Variants in MRPS23 observed in about 807,000 individuals in gnomAD.
MRPS23 encodes small ribosomal subunit protein mS23.
In MRPS23, 14 loss-of-function variants were observed where a neutral mutation model predicts 19.8. The ratio of observed to expected loss-of-function variants is 0.71; its 90% CI spans 0.47 to 1.11. MRPS23 has a LOEUF of 1.11. Among genes scored for constraint, MRPS23 ranks in the 50% least tolerant of loss-of-function variants. MRPS23 has a pLI of 0.00. For missense variants in MRPS23, 242 were observed against 236.7 expected (o/e 1.02, Z -0.15); for synonymous variants, 113 against 89.7 (o/e 1.26, Z -1.47).
intron 4 of MRPS23, chr17:57,840,664 A>G (rs1264676268): frequency 3.2e-6 from 1 of 314,658 alleles, no homozygotes; most frequent in African/African-American, 2.1e-5. Context: ...ATAAATAAAT[A>G]AAATAAAAAA....
rs1038636330 is a variant in MRPS23, at chr17:57,838,363, G to T, written c.*1420C>A. 7.0e-6 allele frequency: 1 copy of T among 141,898 alleles called. No homozygotes were observed. The highest frequency in any genetic ancestry group is 2.2e-4 in the South Asian group (1 of 4,448). 8.8% of individuals were successfully genotyped at this position (141,898 alleles called of 1,614,324 possible). On this transcript the variant is annotated 3_prime_UTR_variant, in exon 5 of 5. Coordinates refer to ENST00000313608, the MANE Select transcript of MRPS23 (RefSeq NM_016070.4). ...AAAACAAACAAAAATAGCAAAAATG[G>T]GACATCAATCCAGACATGAAGGAAA...
At chr17:57,842,058 G>A (rs148573186) in intron 2 of MRPS23, among the ~76,000 whole-genome samples, 18 of 151,702 alleles carry the variant, frequency 1.2e-4, no homozygotes, top group African/African-American at 3.9e-4. Flanking sequence ...TGTCACCAAC[G>A]CAGGTAGCAG....
chr17:57,839,401 T>C lies in MRPS23; in HGVS notation c.*382A>G, dbSNP rs886438708. 2.5e-5 allele frequency: 4 copies of C among 160,704 alleles called. No individual in the cohort carries two copies. Among genetic ancestry groups the C allele is most frequent in the Non-Finnish European group, 2.7e-5 (2 of 73,074 alleles). The allele number at this position is 160,704 out of a possible 1,614,324, so 10.0% of individuals were successfully genotyped here. On this transcript the variant is annotated 3_prime_UTR_variant, in exon 5 of 5. Coordinates refer to ENST00000313608, the MANE Select transcript of MRPS23 (RefSeq NM_016070.4). ...AACATGTGTACACGTATAAGTCTGA[T>C]GGATCAGAAGAAATATGTACCCGGG...
In MRPS23 at chr17:57,838,701, TATTC is replaced by T. The variant is rs2073722121; in HGVS notation, c.*1078_*1081del. On this transcript the variant is annotated 3_prime_UTR_variant, in exon 5 of 5. Transcript: ENST00000313608. ...GGCTGAGAGCTGCTTTTGCCTAATG[TATTC>T]ATTCACCTGCATGAACCAAGCACCC... is the stretch of plus-strand genomic sequence containing the variant. 1 of 152,270 alleles carries T rather than the reference TATTC, an allele frequency of 6.6e-6. No individual in the cohort carries two copies. The highest frequency in any genetic ancestry group is 2.1e-4 in the South Asian group (1 of 4,832). The allele number at this position is 152,270 out of a possible 1,614,324, so 9.4% of individuals were successfully genotyped here. A position where few individuals can be genotyped will look rare whatever the true frequency, so the allele number is the denominator to read the frequency against.
intron 2 of MRPS23, among the ~76,000 whole-genome samples, chr17:57,846,238 T>TCCG (rs1159857922): frequency 1.4e-5 from 2 of 140,796 alleles, no homozygotes; most frequent in African/African-American, 6.1e-5. Context: ...AGCCGCCCCG[T>TCCG]CCGGGAGGGA....
Position 57,836,410 on chromosome 17 carries a change from C to T in MRPS23, c.*3373G>A, listed in dbSNP as rs190586801. On this transcript the variant is annotated 3_prime_UTR_variant, in exon 5 of 5. Coordinates refer to ENST00000313608, the MANE Select transcript of MRPS23 (RefSeq NM_016070.4). The stretch of plus-strand genomic sequence containing the variant: ...AAGGGACTTGATATTATGTATTTTC[C>T]GAGCACAGACAGCATTTGAAAACGG... The T allele has an allele frequency of 1.3e-5, 2 of 152,230 alleles. No homozygotes were observed. Among genetic ancestry groups the T allele is most frequent in the East Asian group, 1.9e-4 (1 of 5,182 alleles). 9.4% of individuals were successfully genotyped at this position (152,230 alleles called of 1,614,324 possible).
intron 2 of MRPS23, among the ~76,000 whole-genome samples, chr17:57,842,053 C>T (rs7215893): frequency 0.074 from 11,191 of 151,930 alleles, 506 homozygotes; most frequent in African/African-American, 0.14. Context: ...CACTGTGTCA[C>T]CAACGCAGGT....
In MRPS23 at chr17:57,834,797, C is replaced by G. The variant is rs1320554397; in HGVS notation, c.*4986G>C. The G allele has an allele frequency of 1.3e-5, 2 of 152,180 alleles. No homozygotes were observed. Among genetic ancestry groups the G allele is most frequent in the Non-Finnish European group, 2.9e-5 (2 of 68,038 alleles). The allele number at this position is 152,180 out of a possible 1,614,324, so 9.4% of individuals were successfully genotyped here. A position where few individuals can be genotyped will look rare whatever the true frequency, so the allele number is the denominator to read the frequency against. ...TGCTGAAGGTTTTTAAGTGGCACGC[C>G]ATCATTTATTTACAGAGAAAGGTAT... On this transcript the variant is annotated 3_prime_UTR_variant, in exon 5 of 5. Coordinates refer to ENST00000313608, the MANE Select transcript of MRPS23 (RefSeq NM_016070.4).
At position 57,849,241 on chromosome 17, in the gene MRPS23, C is replaced by T. The variant is rs761497156; in HGVS notation, c.214G>A (p.Ala72Thr). 3 of 1,614,172 alleles carry T rather than the reference C, an allele frequency of 1.9e-6. No individual in the cohort carries two copies. The highest frequency in any genetic ancestry group is 2.5e-6 in the Non-Finnish European group (3 of 1,180,000). ...DIWYHEDRIR[A>T]KFYSVYGSGQ... is the part of the protein sequence containing the mutation. ...TCCACTACAGGGCTGAGCACTCACG[C>T]TCTAATCCGATCCTCGTGGTACCAG... Residue 72 changes from alanine to threonine, a missense_variant and splice_region_variant, in exon 2 of 5, where the codon GCG (alanine) becomes ACG (threonine). Coordinates refer to ENST00000313608, the MANE Select transcript of MRPS23 (RefSeq NM_016070.4).
At position 57,850,005 on chromosome 17, in the gene MRPS23, T is replaced by G. The variant is rs775066859; in HGVS notation, c.6A>C (p.Ala2=). The change falls in exon 1 of 5, where the codon GCA becomes GCC. Residue 2 remains alanine, a synonymous_variant. Coordinates refer to ENST00000313608, the MANE Select transcript of MRPS23 (RefSeq NM_016070.4). M[A]GSRLETVGSI... ...TCCCTACGGTTTCCAGCCGGCTGCC[T>G]GCCATGATCTGCGCCTGGTACCGAG... is the stretch of plus-strand genomic sequence containing the variant. 1.3e-5 allele frequency: 20 copies of G among 1,592,338 alleles called. No homozygotes were observed. Among genetic ancestry groups the G allele is most frequent in the Middle Eastern group, 1.6e-4 (1 of 6,068 alleles).
intron 1 of MRPS23, 40 bp from the exon 2 acceptor site, chr17:57,849,450 A>G (rs895850305): frequency 6.2e-7 from 1 of 1,601,678 alleles, no homozygotes; most frequent in Non-Finnish European, 8.5e-7. Context: ...CACTTGCAGT[A>G]GCCTGCCAAA....
Position 57,842,889 on chromosome 17 carries a change from TATACACACACACACACACAC to T in MRPS23, c.216-1649_216-1630del, listed in dbSNP as rs1332451505. Among the ~76,000 whole-genome samples, 43 of 98,436 alleles carry T rather than the reference TATACACACACACACACACAC, an allele frequency of 4.4e-4. 1 individual carries two copies. In the South Asian group the frequency reaches 7.5e-3, roughly 17 times the overall value. 64.6% of individuals were successfully genotyped at this position (98,436 alleles called of 152,430 possible). ...TAAAAAAAAAAAAAAAATATATATA[TATACACACACACACACACAC>T]ACACACACACACACACACACACACA... On this transcript the variant is annotated intron_variant, in intron 2 of 4. Coordinates refer to ENST00000313608, the MANE Select transcript of MRPS23 (RefSeq NM_016070.4).
In MRPS23 at chr17:57,849,950, C is replaced by T; in HGVS notation, c.44+17G>A. Reference sequence around the variant, plus strand: ...TGGGGGAGGCACCCTCAGCCCACCACGGCTGGGAGCACACACCGAGAGAAG... The same window carrying T: ...TGGGGGAGGCACCCTCAGCCCACCATGGCTGGGAGCACACACCGAGAGAAG... On this transcript the variant is annotated intron_variant, in intron 1 of 4. Transcript: ENST00000313608. 1.3e-6 allele frequency: 2 copies of T among 1,583,212 alleles called. No homozygotes were observed. Among genetic ancestry groups the T allele is most frequent in the Non-Finnish European group, 1.7e-6 (2 of 1,172,154 alleles).
chr17:57,840,933 G>C lies in MRPS23; in HGVS notation c.413C>G (p.Ala138Gly). 3 of 1,614,112 alleles carry C rather than the reference G, an allele frequency of 1.9e-6. No individual in the cohort carries two copies. The highest frequency in any genetic ancestry group is 1.1e-5 in the South Asian group (1 of 91,066). ...EGVILRRVGE[A>G]RTQHGGSHVS... is the part of the protein sequence containing the mutation. Reference sequence around the variant, plus strand: ...TAACAATGAAATACTCACAGTCCTTGCTTCGCCTACTCGTCTTAAAATGAC... The same window carrying C: ...TAACAATGAAATACTCACAGTCCTTCCTTCGCCTACTCGTCTTAAAATGAC... The change falls in exon 4 of 5, where the codon GCA becomes GGA. Residue 138 changes from alanine to glycine, a missense_variant. By Grantham distance (60) the Ala-to-Gly change is moderately conservative. Coordinates refer to ENST00000313608, the MANE Select transcript of MRPS23 (RefSeq NM_016070.4).
chr17:57,841,213 A>G lies in MRPS23; in HGVS notation c.263T>C (p.Phe88Ser). 6.2e-7 allele frequency: 1 copy of G among 1,614,218 alleles called. No individual in the cohort carries two copies. Among genetic ancestry groups the G allele is most frequent in the South Asian group, 1.1e-5 (1 of 91,088 alleles). ...YGSGQRAFDL[F>S]NPNFKSTCQR... Reference sequence around the variant, plus strand: ...ACAGGTAGACTTGAAGTTTGGATTGAATAGATCAAAAGCTCTTTGACCAGA... The same window carrying G: ...ACAGGTAGACTTGAAGTTTGGATTGGATAGATCAAAAGCTCTTTGACCAGA... The change falls in exon 3 of 5, where the codon TTC (phenylalanine) becomes TCC (serine). Residue 88 changes from phenylalanine to serine, a missense_variant. By Grantham distance (155) the Phe-to-Ser change is radical. Transcript: ENST00000313608.
Position 57,837,798 on chromosome 17 carries a change from C to T in MRPS23, c.*1985G>A, listed in dbSNP as rs1254198804. ...CCAGCCTGGGCAACATAGCAAGACT[C>T]CATCTCTACAAAAAAAAACAAACAA... On this transcript the variant is annotated 3_prime_UTR_variant, in exon 5 of 5. Transcript: ENST00000313608. The T allele has an allele frequency of 6.6e-6, 1 of 151,688 alleles. No homozygotes were observed. Among genetic ancestry groups the T allele is most frequent in the Non-Finnish European group, 1.5e-5 (1 of 68,896 alleles). The allele number at this position is 151,688 out of a possible 1,614,324, so 9.4% of individuals were successfully genotyped here. A position where few individuals can be genotyped will look rare whatever the true frequency, so the allele number is the denominator to read the frequency against.
At chr17:57,849,168 C>T in intron 2 of MRPS23, 72 bp downstream of exon 2, 2 of 1,555,692 alleles carry the variant, frequency 1.3e-6, no homozygotes, top group South Asian at 2.4e-5. Context: ...TGTTTGAATT[C>T]CCAGACTGCT....
intron 2 of MRPS23, among the ~76,000 whole-genome samples, chr17:57,845,366 G>A (rs558143272): frequency 1.3e-5 from 2 of 152,178 alleles, no homozygotes; most frequent in African/African-American, 2.4e-5. Flanking sequence ...TGGGGGTCCC[G>A]GGGTGAAAGC....
Position 57,839,930 on chromosome 17 carries a change from G to A in MRPS23, c.426C>T (p.His142=), listed in dbSNP as rs117066436. Reference sequence around the variant, plus strand: ...ATTTCCGGGAAACGTGACTACCTCCGTGTTGCTTAAAAGACCAGATTTAAG... The same window carrying A: ...ATTTCCGGGAAACGTGACTACCTCCATGTTGCTTAAAAGACCAGATTTAAG... The part of the protein sequence containing the change: ...LRRVGEARTQ[H]GGSHVSRKSE... Residue 142 remains histidine (H), a synonymous_variant, in exon 5 of 5, where the codon CAC becomes CAT. Transcript: ENST00000313608. The A allele has an allele frequency of 6.7e-3, 10,835 of 1,614,046 alleles. 60 individuals carry two copies. The highest frequency in any genetic ancestry group is 8.4e-3 in the Non-Finnish European group (9,870 of 1,179,940).
Sources: gnomAD v4.1 joint callset for allele counts (sites outside exome capture counted in the v4.1 genomes callset) on GRCh38, gnomAD v4.1.1 for gene constraint, MANE v1.5 for transcripts, NCBI Gene and HGNC (gene_info 2026-07-23, HGNC 2026-07-21) for gene names.